ATP6V0A4: variants seen among roughly 807,000 people sequenced by gnomAD.
The protein encoded by ATP6V0A4 is V-type proton ATPase 116 kDa subunit a 4.
A neutral mutation model predicts 107.3 loss-of-function variants in ATP6V0A4; 86 were observed. The ratio of observed to expected loss-of-function variants is 0.80; its 90% CI spans 0.67 to 0.96. The LOEUF is 0.96. Ranked by LOEUF, ATP6V0A4 falls within the 40% of genes least tolerant of loss-of-function variation. The pLI, the probability that ATP6V0A4 is intolerant of heterozygous loss-of-function variation, is 0.00. For synonymous variants in ATP6V0A4, 353 were observed against 381.4 expected (o/e 0.93, Z 0.87); for missense variants, 908 against 1,045.6 (o/e 0.87, Z 1.81).
chr7:138,758,739 A>T (rs1238308028), intron 8 of ATP6V0A4, among the ~76,000 whole-genome samples: 5 of 59,176 alleles, frequency 8.4e-5, no homozygotes, highest in Admixed American at 6.7e-4. Flanking sequence ...CTGACTCAGA[A>T]TTTTTTTTTT....
rs1212639782 is a variant in ATP6V0A4 at position 138,715,754 on chromosome 7, G to C, written c.2257+10C>G. 3 of 1,612,862 alleles carry C rather than the reference G, an allele frequency of 1.9e-6. No homozygotes were observed. Among genetic ancestry groups the C allele is most frequent in the Non-Finnish European group, 2.5e-6 (3 of 1,179,228 alleles). On this transcript the variant is annotated intron_variant, in intron 20 of 21. Transcript: ENST00000310018. The stretch of plus-strand genomic sequence containing the variant: ...GAGCTGACTGTCCCCCCGATGGGCT[G>C]CTCACTCACGTGCATGAGCCAGGCT...
chr7:138,749,111 A>G lies in ATP6V0A4; in HGVS notation c.1180+56T>C, dbSNP rs376346907. The G allele has an allele frequency of 1.6e-3, 2,616 of 1,607,106 alleles. 64 individuals carry two copies. The South Asian group carries it at 0.027, about 17-fold the overall frequency. The stretch of plus-strand genomic sequence containing the variant: ...ACCACCTCGGTCACCTCAGGGGTCC[A>G]TCTTACCAGTTTTCACTTTCAAGCT... On this transcript the variant is annotated intron_variant, in intron 12 of 21. Transcript: ENST00000310018.
Position 138,733,082 on chromosome 7 carries a change from C to A in ATP6V0A4, c.1703G>T (p.Arg568Ile), listed in dbSNP as rs774244498. The part of the protein sequence containing the change: ...LSLFNHIYFR[R>I]TLNIILQFIP... ...AAATTGCAGAATGATGTTGAGAGTT[C>A]TTCTGAAGTATCTGGGGGTGGAAGA... The change falls in exon 17 of 22, where the codon AGA becomes ATA. Residue 568 changes from arginine (R) to isoleucine (I), a missense_variant. Physicochemically the swap from Arg to Ile is moderately conservative, Grantham distance 97. Transcript: ENST00000310018. 6 of 1,613,762 alleles carry A rather than the reference C, an allele frequency of 3.7e-6. No homozygotes were observed. The East Asian group carries it at 1.1e-4, about 30-fold the overall frequency.
chr7:138,759,683 A>G, intron 8 of ATP6V0A4, 69 bp downstream of exon 8: 1 of 1,537,752 alleles, frequency 6.5e-7, no homozygotes. Flanking sequence ...ATGTTTTGGG[A>G]GAACGAAGCG....
chr7:138,745,260 G>T lies in ATP6V0A4; in HGVS notation c.1341C>A (p.His447Gln), dbSNP rs368858299. 1.6e-5 allele frequency: 26 copies of T among 1,613,964 alleles called. No homozygotes were observed. The highest frequency in any genetic ancestry group is 2.0e-5 in the Non-Finnish European group (24 of 1,179,994). The change falls in exon 14 of 22, where the codon CAC (histidine) becomes CAA (glutamine). Residue 447 changes from histidine (H) to glutamine (Q), a missense_variant. By Grantham distance (24) the His-to-Gln change is conservative (BLOSUM62 0). Transcript: ENST00000310018. ...TDNEIWNTFF[H>Q]GRYLILLMGI... ...CCATAAGTAGGATCAGATAGCGCCC[G>T]TGGAAGAAGGTGTTCCAAATCTGGC... is the stretch of plus-strand genomic sequence containing the variant.
At chr7:138,738,695 C>T (rs1372071425) in intron 15 of ATP6V0A4, among the ~76,000 whole-genome samples, 3 of 152,054 alleles carry the variant, frequency 2.0e-5, no homozygotes, top group Admixed American at 6.6e-5. Flanking sequence ...CGGGCGATAG[C>T]GGAATGACAC....
chr7:138,789,094 C>G (rs1176499568), intron 1 of ATP6V0A4, among the ~76,000 whole-genome samples: 1 of 152,156 alleles, frequency 6.6e-6, no homozygotes, highest in Admixed American at 6.5e-5. Flanking sequence ...TTCTAGTCTT[C>G]TTTGTGTCCT....
chr7:138,773,886 G>A lies in ATP6V0A4; in HGVS notation c.-17-2622C>T, dbSNP rs1023850252. On this transcript the variant is annotated intron_variant, in intron 2 of 21. Coordinates refer to ENST00000310018, the MANE Select transcript of ATP6V0A4 (RefSeq NM_020632.3). This position sits in a 1 kb window ranked among gnomAD's most constrained non-coding sequence, Gnocchi z 5.4. ...CGGTGGTTTCCCCAACCTGACGCAC[G>A]GAGCAGGGAGCCCCAGGTCTGGCAG... is the stretch of plus-strand genomic sequence containing the variant. 1.3e-5 allele frequency: 2 copies of A among 152,258 alleles called. No homozygotes were observed. Among genetic ancestry groups the A allele is most frequent in the Admixed American group, 6.5e-5 (1 of 15,278 alleles). 9.4% of individuals were successfully genotyped at this position (152,258 alleles called of 1,614,324 possible).
At chr7:138,762,258 T>C in intron 7 of ATP6V0A4, 82 bp downstream of exon 7, 1 of 1,519,922 alleles carries the variant, frequency 6.6e-7, no homozygotes. Flanking sequence ...TTCCAATGGC[T>C]ATTTGTTCAC....
chr7:138,760,032 A>C (rs1048313698), intron 7 of ATP6V0A4, 154 bp from the exon 8 acceptor site: 2 of 821,922 alleles, frequency 2.4e-6, no homozygotes, highest in African/African-American at 3.7e-5. Flanking sequence ...ATGAGTCCCA[A>C]GGCCACCCCG....
intron 19 of ATP6V0A4, among the ~76,000 whole-genome samples, chr7:138,718,682 G>A (rs111739261): frequency 0.52 from 22,777 of 43,604 alleles, 6,071 homozygotes; most frequent in Admixed American, 0.65. Context: ...GGGGCGGGGG[G>A]GGGGGGTGCA....
At chr7:138,720,113 G>A (rs1804357686) in intron 19 of ATP6V0A4, among the ~76,000 whole-genome samples, 3 of 152,094 alleles carry the variant, frequency 2.0e-5, no homozygotes, top group South Asian at 2.1e-4. Context: ...AGGGTCCTGC[G>A]AATGTATAGT....
intron 20 of ATP6V0A4, among the ~76,000 whole-genome samples, chr7:138,713,938 CAA>C (rs34143397): frequency 2.2e-5 from 3 of 135,826 alleles, no homozygotes; most frequent in Non-Finnish European, 3.2e-5. Context: ...CTGTCTCTAC[CAA>C]AAAAAAAAAA....
At position 138,739,539 on chromosome 7, in the gene ATP6V0A4, C is replaced by G. The variant is rs1306444629; in HGVS notation, c.1572+1G>C. On this transcript the variant is annotated splice_donor_variant, in intron 15 of 21. Transcript: ENST00000310018. LOFTEE classifies it high-confidence loss of function. ...TATTTAACCCAAGAAGACATTATTA[C>G]CGGATCAATCCCAAACGGGTATGGA... The G allele has an allele frequency of 1.1e-5, 18 of 1,614,112 alleles. No individual in the cohort carries two copies. The highest frequency in any genetic ancestry group is 1.5e-5 in the Non-Finnish European group (18 of 1,179,972).
rs1373653638 is a variant in ATP6V0A4, at chr7:138,722,021, T to C, written c.2015A>G (p.Gln672Arg). ...GGCATCTTCTTGGATCCTGGATGCC[T>C]GCAGCTGACAACAAGCAGGGAAATG... ...LRASHRKSQL[Q>R]ASRIQEDATE... is the part of the protein sequence containing the mutation. Residue 672 changes from glutamine to arginine, a missense_variant, in exon 19 of 22, where the codon CAG (glutamine) becomes CGG (arginine). By Grantham distance (43) the Gln-to-Arg change is conservative. Coordinates refer to ENST00000310018, the MANE Select transcript of ATP6V0A4 (RefSeq NM_020632.3). The C allele has an allele frequency of 2.5e-6, 4 of 1,614,016 alleles. No individual in the cohort carries two copies. The highest frequency in any genetic ancestry group is 3.4e-6 in the Non-Finnish European group (4 of 1,180,040).
intron 1 of ATP6V0A4, among the ~76,000 whole-genome samples, chr7:138,792,449 A>G (rs1382527221): frequency 6.6e-6 from 1 of 152,222 alleles, no homozygotes; most frequent in Non-Finnish European, 1.5e-5. Context: ...AAATAATCTT[A>G]AAAAGCAACA....
chr7:138,721,562 G>A (rs1267215657), intron 19 of ATP6V0A4, among the ~76,000 whole-genome samples: 1 of 152,004 alleles, frequency 6.6e-6, no homozygotes, highest in Non-Finnish European at 1.5e-5. Context: ...GAGCTTATAG[G>A]GGCGTGGTGC....
At chr7:138,767,790 G>C (rs1807169902) in intron 5 of ATP6V0A4, among the ~76,000 whole-genome samples, 1 of 152,042 alleles carries the variant, frequency 6.6e-6, no homozygotes. Flanking sequence ...CCATGATCTG[G>C]CTCTGCCTAC....
intron 5 of ATP6V0A4, among the ~76,000 whole-genome samples, chr7:138,766,398 G>T (rs1300211147): frequency 4.0e-5 from 6 of 151,588 alleles, no homozygotes; most frequent in African/African-American, 7.3e-5. Flanking sequence ...TAGAGATGGG[G>T]TTTCACCATG....
Sources: gnomAD v4.1 joint callset for allele counts (sites outside exome capture counted in the v4.1 genomes callset) on GRCh38, gnomAD v4.1.1 for gene constraint, Gnocchi (gnomAD v3.1) non-coding constraint, MANE v1.5 for transcripts, NCBI Gene and HGNC (gene_info 2026-07-23, HGNC 2026-07-21) for gene names.